Variants in CNTNAP3B observed in about 807,000 individuals in gnomAD.
CNTNAP3B encodes contactin-associated protein-like 3B.
CNTNAP3B carries 25 observed loss-of-function variants against 108.9 expected under a neutral mutation model. The ratio of observed to expected loss-of-function variants is 0.23; its 90% CI spans 0.17 to 0.32. The LOEUF (loss-of-function observed/expected upper bound fraction) is 0.32. CNTNAP3B is among the 10% of genes least tolerant of loss of function. The pLI is 1.00. For missense variants in CNTNAP3B, 252 were observed against 1,210.4 expected (o/e 0.21, Z 11.75); for synonymous variants, 103 against 473.4 (o/e 0.22, Z 10.16).
At chr9:42,042,942 T>G (rs1159791818) in intron 3 of CNTNAP3B, among the ~76,000 whole-genome samples, 1 of 148,302 alleles carries the variant, frequency 6.7e-6, no homozygotes, top group Admixed American at 6.7e-5. Context: ...TTTTTGCTAG[T>G]TTTTGAATAG....
chr9:42,041,336 C>A (rs1392907994), intron 3 of CNTNAP3B, among the ~76,000 whole-genome samples: 1 of 149,996 alleles, frequency 6.7e-6, no homozygotes, highest in Non-Finnish European at 1.5e-5. Context: ...GCAATCTACC[C>A]ATCTGACAAA....
chr9:41,951,483 T>C (rs1824677134), intron 13 of CNTNAP3B, among the ~76,000 whole-genome samples: 2 of 150,668 alleles, frequency 1.3e-5, no homozygotes, highest in Non-Finnish European at 3.0e-5. Context: ...GGAAGGAGAG[T>C]TTCTTACTTA....
Position 42,126,632 on chromosome 9 carries a change from G to A in CNTNAP3B, c.85+2378C>T, listed in dbSNP as rs554488723. ...TTGCCCAGGCTGGAGTGCTATGGTG[G>A]GATCTCGGCTCACTGCAACCTCCAC... On this transcript the variant is annotated intron_variant, in intron 1 of 23. Coordinates refer to ENST00000377561, the MANE Select transcript of CNTNAP3B (RefSeq NM_001201380.3). 2.7e-4 allele frequency among the ~76,000 whole-genome samples: 36 copies of A among 134,556 alleles called. 3 individuals carry two copies. Among genetic ancestry groups the A allele is most frequent in the African/African-American group, 9.3e-4 (31 of 33,270 alleles). 88.3% of individuals were successfully genotyped at this position (134,556 alleles called of 152,430 possible).
intron 13 of CNTNAP3B, among the ~76,000 whole-genome samples, chr9:41,945,867 C>G (rs1414712803): frequency 6.6e-6 from 1 of 151,876 alleles, no homozygotes; most frequent in Non-Finnish European, 1.5e-5. Context: ...TATAAAATAG[C>G]GGGTAGATTT....
At position 42,105,599 on chromosome 9, in the gene CNTNAP3B, G is replaced by T. The variant is rs1160510832; in HGVS notation, c.86-860C>A. On this transcript the variant is annotated intron_variant, in intron 1 of 23. Coordinates refer to ENST00000377561, the MANE Select transcript of CNTNAP3B (RefSeq NM_001201380.3). ...CCCTCAGAGCCTTCTTGCCCCTGGT[G>T]TTCCCCACCATCAAACTTGAGGAGC... 4.8e-5 allele frequency among the ~76,000 whole-genome samples: 2 copies of T among 41,298 alleles called. 1 individual carries two copies. The highest frequency in any genetic ancestry group is 1.2e-4 in the African/African-American group (2 of 16,750). 27.1% of individuals were successfully genotyped at this position (41,298 alleles called of 152,430 possible).
chr9:41,930,937 TA>T (rs1449433403), intron 14 of CNTNAP3B, among the ~76,000 whole-genome samples: 58 of 152,380 alleles, frequency 3.8e-4, no homozygotes, highest in Admixed American at 3.6e-3. Flanking sequence ...AAAATGCTTA[TA>T]TTTATATACT....
At chr9:41,935,079 C>T (rs1182293536) in intron 14 of CNTNAP3B, among the ~76,000 whole-genome samples, 1 of 152,268 alleles carries the variant, frequency 6.6e-6, no homozygotes, top group African/African-American at 2.4e-5. Context: ...ACATAGTCCA[C>T]TATACATTTA....
intron 3 of CNTNAP3B, among the ~76,000 whole-genome samples, chr9:42,068,217 A>G (rs1827315098): frequency 1.6e-5 from 1 of 62,620 alleles, no homozygotes; most frequent in Non-Finnish European, 2.9e-5. Flanking sequence ...AACTAGAGAG[A>G]TATCTGAGGA....
intron 3 of CNTNAP3B, among the ~76,000 whole-genome samples, chr9:42,067,321 CTTGT>C (rs1209262401): frequency 1.4e-5 from 2 of 147,850 alleles, no homozygotes; most frequent in Admixed American, 1.3e-4. Context: ...TAGATACAAT[CTTGT>C]TTATGAAAAT....
At chr9:41,968,504 A>T in intron 10 of CNTNAP3B, among the ~76,000 whole-genome samples, 1 of 141,822 alleles carries the variant, frequency 7.1e-6, no homozygotes, top group Non-Finnish European at 1.5e-5. Context: ...GAGGTACTTG[A>T]CAAATTCTTA....
In CNTNAP3B at chr9:42,115,509, C is replaced by T. The variant is rs1248263122; in HGVS notation, c.86-10770G>A. Reference sequence around the variant, plus strand: ...CATACAGCCAGGTGCCCCTCTGAGACGAAGCTTCCAGAGGAAGGATCAGAC... The same window carrying T: ...CATACAGCCAGGTGCCCCTCTGAGATGAAGCTTCCAGAGGAAGGATCAGAC... On this transcript the variant is annotated intron_variant, in intron 1 of 23. Transcript: ENST00000377561. Among the ~76,000 whole-genome samples, 16 of 139,406 alleles carry T rather than the reference C, an allele frequency of 1.1e-4. 1 individual carries two copies. Among genetic ancestry groups the T allele is most frequent in the South Asian group, 9.3e-4 (4 of 4,280 alleles). The allele number at this position is 139,406 out of a possible 152,430, so 91.5% of individuals were successfully genotyped here.
At chr9:41,919,377 G>A (rs1268670997) in intron 18 of CNTNAP3B, among the ~76,000 whole-genome samples, 6 of 151,578 alleles carry the variant, frequency 4.0e-5, no homozygotes, top group Admixed American at 1.3e-4. Flanking sequence ...GCCTCCCAAA[G>A]TGCTGGGATT....
In CNTNAP3B at chr9:42,084,302, T is replaced by A. The variant is rs550859520; in HGVS notation, c.197-7240A>T. Reference sequence around the variant, plus strand: ...ATCTTCACTTGGTGAGTAGAAACAATTAGGCAAAAGTGATGGGTGATGTGC... The same window carrying A: ...ATCTTCACTTGGTGAGTAGAAACAAATAGGCAAAAGTGATGGGTGATGTGC... On this transcript the variant is annotated intron_variant, in intron 2 of 23. Coordinates refer to ENST00000377561, the MANE Select transcript of CNTNAP3B (RefSeq NM_001201380.3). Among the ~76,000 whole-genome samples the A allele has an allele frequency of 1.6e-4, 19 of 122,112 alleles. No individual in the cohort carries two copies. In the South Asian group the frequency reaches 4.7e-3, roughly 30 times the overall value. 80.1% of individuals were successfully genotyped at this position (122,112 alleles called of 152,430 possible).
At chr9:42,127,875 C>A (rs1173309585) in intron 1 of CNTNAP3B, among the ~76,000 whole-genome samples, 1 of 139,124 alleles carries the variant, frequency 7.2e-6, no homozygotes, top group African/African-American at 2.9e-5. Flanking sequence ...CACTGAGCTA[C>A]GGCAAACTTT....
At chr9:42,119,716 C>T (rs1209532351) in intron 1 of CNTNAP3B, among the ~76,000 whole-genome samples, 1 of 139,444 alleles carries the variant, frequency 7.2e-6, no homozygotes, top group East Asian at 2.1e-4. Context: ...CAAAAATAAG[C>T]AATGGGGAAA....
intron 3 of CNTNAP3B, among the ~76,000 whole-genome samples, chr9:42,038,487 C>A (rs1295256941): frequency 1.0e-5 from 1 of 98,922 alleles, no homozygotes; most frequent in Non-Finnish European, 2.2e-5. Flanking sequence ...ATCCTAGTCT[C>A]AGATAAAACA....
In CNTNAP3B at chr9:42,046,673, A is replaced by G. The variant is rs1209955240; in HGVS notation, c.390+30196T>C. 2.0e-4 allele frequency among the ~76,000 whole-genome samples: 19 copies of G among 94,652 alleles called. 4 individuals are homozygous for G. Among genetic ancestry groups the G allele is most frequent in the African/African-American group, 7.6e-4 (19 of 25,100 alleles). 62.1% of individuals were successfully genotyped at this position (94,652 alleles called of 152,430 possible). On this transcript the variant is annotated intron_variant, in intron 3 of 23. Transcript: ENST00000377561. ...TTTAAAATATGTTCCCTTCTTTTTAACTTTCAGCAAGCTTAACAGATTTCA... is the reference window on the plus strand; with the variant it reads ...TTTAAAATATGTTCCCTTCTTTTTAGCTTTCAGCAAGCTTAACAGATTTCA...
intron 14 of CNTNAP3B, among the ~76,000 whole-genome samples, chr9:41,935,782 G>C (rs1248735787): frequency 6.6e-6 from 1 of 152,278 alleles, no homozygotes; most frequent in Non-Finnish European, 1.5e-5. Flanking sequence ...GAATGTAGGA[G>C]GGGAGTTAAT....
chr9:42,128,941 C>A, intron 1 of CNTNAP3B, 69 bp downstream of exon 1: 3 of 1,384,890 alleles, frequency 2.2e-6, no homozygotes, highest in Non-Finnish European at 1.9e-6. Context: ...CCAAATATTA[C>A]CGATAATAAA....
Sources: gnomAD v4.1 joint callset for allele counts (sites outside exome capture counted in the v4.1 genomes callset) on GRCh38, gnomAD v4.1.1 for gene constraint, MANE v1.5 for transcripts, NCBI Gene and HGNC (gene_info 2026-07-23, HGNC 2026-07-21) for gene names.